FTO: variants seen among roughly 807,000 people sequenced by gnomAD.
The protein encoded by FTO is alpha-ketoglutarate-dependent dioxygenase FTO.
A neutral mutation model predicts 63.9 loss-of-function variants in FTO; 47 were observed. The observed-to-expected ratio is 0.74, with a 90% CI of 0.58 to 0.94. The LOEUF (loss-of-function observed/expected upper bound fraction) is 0.94. FTO is among the 40% of genes least tolerant of loss of function. The pLI, the probability that FTO is intolerant of heterozygous loss-of-function variation, is 0.00. For missense variants in FTO, 562 were observed against 618.1 expected, an observed-to-expected ratio of 0.91 and a Z score of 0.96; for synonymous variants, 207 against 224.4, an observed-to-expected ratio of 0.92 and a Z score of 0.69.
chr16:53,711,437 G>A, intron 1 of FTO: 1 of 398,584 alleles, frequency 2.5e-6, no homozygotes, highest in African/African-American at 2.1e-5. Context: ...CATGGAACTG[G>A]CTGGCTGTCC....
intron 1 of FTO, among the ~76,000 whole-genome samples, chr16:53,709,697 GA>G (rs1308644505): frequency 3.3e-5 from 5 of 152,140 alleles, no homozygotes; most frequent in Non-Finnish European, 5.9e-5. Flanking sequence ...AGCTCTCATA[GA>G]CCTGTTTGTC....
At chr16:53,789,501 T>C (rs2077837271) in intron 1 of FTO, among the ~76,000 whole-genome samples, 2 of 152,122 alleles carry the variant, frequency 1.3e-5, no homozygotes, top group South Asian at 4.1e-4. Context: ...ATTATTAACA[T>C]TTTTTTCTGT....
intron 4 of FTO, among the ~76,000 whole-genome samples, chr16:53,853,658 T>G (rs937410863): frequency 6.6e-6 from 1 of 152,236 alleles, no homozygotes; most frequent in Non-Finnish European, 1.5e-5. Context: ...TGATTTCATT[T>G]TTTTTAATGA....
rs371654853 is a variant in FTO, at chr16:53,862,538, C to CTTT, written c.896-11234_896-11232dup. Among the ~76,000 whole-genome samples, 886 of 130,368 alleles carry CTTT rather than the reference C, an allele frequency of 6.8e-3. 33 individuals are homozygous for CTTT. Among genetic ancestry groups the CTTT allele is most frequent in the African/African-American group, 0.024 (831 of 34,668 alleles). 85.5% of individuals were successfully genotyped at this position (130,368 alleles called of 152,430 possible). Reference sequence around the variant, plus strand: ...TATTCTTATATCTTTCTGTATCTTACTTTTTTTTTTTTTTTTCAAGATGGA... The same window carrying CTTT: ...TATTCTTATATCTTTCTGTATCTTACTTTTTTTTTTTTTTTTTTTCAAGATGGA... On this transcript the variant is annotated intron_variant, in intron 4 of 8. Transcript: ENST00000471389.
chr16:53,890,858 T>A (rs2081126174), intron 7 of FTO, among the ~76,000 whole-genome samples: 1 of 152,240 alleles, frequency 6.6e-6, no homozygotes, highest in African/African-American at 2.4e-5. Flanking sequence ...ATTCTGATTT[T>A]GTCCATTTAC....
At chr16:53,845,868 G>A (rs567431678) in intron 4 of FTO, among the ~76,000 whole-genome samples, 2 of 152,238 alleles carry the variant, frequency 1.3e-5, no homozygotes, top group South Asian at 2.1e-4. Context: ...TGATTTAATG[G>A]CACTTAATGT....
intron 8 of FTO, among the ~76,000 whole-genome samples, chr16:54,027,229 T>C (rs1136002): frequency 0.45 from 68,912 of 151,986 alleles, 17,294 homozygotes; most frequent in African/African-American, 0.66. Flanking sequence ...GAGTACTTAG[T>C]ATCCTCTGAC....
rs148807841 is a variant in FTO, at chr16:53,731,726, C to A, written c.45+27497C>A. ...ACTACAGGACTACAGGCCTGCGCCA[C>A]CACGCCCAACTAATGTTTGTACTTT... is the stretch of plus-strand genomic sequence containing the variant. On this transcript the variant is annotated intron_variant, in intron 1 of 8. Coordinates refer to ENST00000471389, the MANE Select transcript of FTO (RefSeq NM_001080432.3). Among the ~76,000 whole-genome samples, 330 of 150,654 alleles carry A rather than the reference C, an allele frequency of 2.2e-3. 1 individual carries two copies. The highest frequency in any genetic ancestry group is 3.2e-3 in the Non-Finnish European group (215 of 67,712).
At chr16:53,840,639 G>A (rs1222268606) in intron 3 of FTO, among the ~76,000 whole-genome samples, 1 of 152,186 alleles carries the variant, frequency 6.6e-6, no homozygotes, top group Non-Finnish European at 1.5e-5. Flanking sequence ...CTGTGTTCTA[G>A]TTAAACTTTA....
chr16:54,016,292 GAAAA>G (rs35786461), intron 8 of FTO, among the ~76,000 whole-genome samples: 2 of 63,232 alleles, frequency 3.2e-5, no homozygotes, highest in Non-Finnish European at 5.3e-5. Flanking sequence ...GACTTGTCAT[GAAAA>G]AAAAAAAAAA....
chr16:54,069,203 G>A (rs1029419809), intron 8 of FTO, among the ~76,000 whole-genome samples: 25 of 152,136 alleles, frequency 1.6e-4, no homozygotes, highest in African/African-American at 6.0e-4. Context: ...CAGGGATTCA[G>A]GATTTGGCAC....
At chr16:54,063,810 G>C (rs1337160419) in intron 8 of FTO, 1 of 151,722 alleles carries the variant, frequency 6.6e-6, no homozygotes, top group Non-Finnish European at 1.5e-5. Flanking sequence ...CGTAGCAGGA[G>C]CTGGGAATGG....
intron 3 of FTO, among the ~76,000 whole-genome samples, chr16:53,828,014 G>C (rs2079054509): frequency 6.6e-6 from 1 of 152,160 alleles, no homozygotes; most frequent in African/African-American, 2.4e-5. Context: ...CCCTTCCCGT[G>C]GGTGATCAAG....
chr16:54,049,292 A>C (rs988207184), intron 8 of FTO, among the ~76,000 whole-genome samples: 1 of 152,208 alleles, frequency 6.6e-6, no homozygotes, highest in Non-Finnish European at 1.5e-5. Context: ...TCCCTTAAAA[A>C]TTGAATGCTG....
chr16:53,815,080 G>T (rs1048785512), intron 2 of FTO, among the ~76,000 whole-genome samples: 1 of 101,318 alleles, frequency 9.9e-6, no homozygotes, highest in Non-Finnish European at 1.9e-5. Flanking sequence ...CAGGGGAGAC[G>T]GTCAGAGAGA....
chr16:53,769,931 C>T (rs1321122347), intron 1 of FTO, among the ~76,000 whole-genome samples: 1 of 151,982 alleles, frequency 6.6e-6, no homozygotes, highest in African/African-American at 2.4e-5. Flanking sequence ...GGGAAAAGAG[C>T]TGCAGAAATG....
chr16:53,719,253 C>CTTT (rs10527186), intron 1 of FTO, among the ~76,000 whole-genome samples: 295 of 135,616 alleles, frequency 2.2e-3, no homozygotes, highest in East Asian at 5.2e-3. Flanking sequence ...TCTTCTTCTT[C>CTTT]TTTTTTTTTT....
chr16:53,939,648 A>G (rs2082478621), intron 8 of FTO, among the ~76,000 whole-genome samples: 1 of 152,144 alleles, frequency 6.6e-6, no homozygotes, highest in South Asian at 2.1e-4. Context: ...CTGAGCAACC[A>G]CCAGTCTACT....
At chr16:53,823,870 A>G (rs1598751740) in intron 2 of FTO, among the ~76,000 whole-genome samples, 1 of 152,124 alleles carries the variant, frequency 6.6e-6, no homozygotes, top group Non-Finnish European at 1.5e-5. Flanking sequence ...GGGCAACAAG[A>G]GCGAAACGCC....
Sources: gnomAD v4.1 joint callset for allele counts (sites outside exome capture counted in the v4.1 genomes callset) on GRCh38, gnomAD v4.1.1 for gene constraint, MANE v1.5 for transcripts, NCBI Gene and HGNC (gene_info 2026-07-23, HGNC 2026-07-21) for gene names.